The following UBN2 variants were observed in gnomAD, a reference collection of about 807,000 sequenced individuals.
The protein encoded by UBN2 is ubinuclein-2.
A neutral mutation model predicts 120.2 loss-of-function variants in UBN2; 35 were observed. The observed-to-expected ratio is 0.29, with a 90% CI of 0.22 to 0.39. The LOEUF (loss-of-function observed/expected upper bound fraction) is 0.39, where lower values mean the gene tolerates loss of function less well. Ranked by LOEUF, UBN2 falls within the 10% of genes least tolerant of loss-of-function variation. The pLI is 1.00. For missense variants in UBN2, 1,693 were observed against 1,663.2 expected, an observed-to-expected ratio of 1.02 and a Z score of -0.31; for synonymous variants, 661 against 648.7, an observed-to-expected ratio of 1.02 and a Z score of -0.29.
intron 2 of UBN2, among the ~76,000 whole-genome samples, chr7:139,238,454 G>A (rs1360943216): frequency 6.6e-6 from 1 of 151,974 alleles, no homozygotes; most frequent in Non-Finnish European, 1.5e-5. Flanking sequence ...CTAAGACAGA[G>A]TCTCTGTCAC....
chr7:139,237,206 C>G, intron 2 of UBN2, 109 bp downstream of exon 2: 1 of 605,010 alleles, frequency 1.7e-6, no homozygotes, highest in Non-Finnish European at 2.9e-6. Context: ...TTACTTTGTT[C>G]TCACCAATGG....
Position 139,231,988 on chromosome 7 carries a change from G to A in UBN2, c.468+36G>A, listed in dbSNP as rs376760845. The A allele has an allele frequency of 1.3e-5, 21 of 1,561,378 alleles. No individual in the cohort carries two copies. The African/African-American group carries it at 2.4e-4, about 18-fold the overall frequency. On this transcript the variant is annotated intron_variant, in intron 1 of 17. Coordinates refer to ENST00000473989, the MANE Select transcript of UBN2 (RefSeq NM_173569.4). ...TTCTTCCCTCCTGCCCCAGACCCCG[G>A]GAGCCTCAGGACCCGCCGCCTTCCC...
intron 1 of UBN2, among the ~76,000 whole-genome samples, chr7:139,233,860 AAG>A (rs1352906206): frequency 6.6e-6 from 1 of 152,006 alleles, no homozygotes; most frequent in Non-Finnish European, 1.5e-5. Context: ...CAATAGGAGA[AAG>A]AGGAAAAATT....
At position 139,231,584 on chromosome 7, in the gene UBN2, GAGC is replaced by G. The variant is rs1298746223; in HGVS notation, c.101_103del (p.Glu34_Pro35delinsAla). On this transcript the variant is annotated inframe_deletion, in exon 1 of 18. Coordinates refer to ENST00000473989, the MANE Select transcript of UBN2 (RefSeq NM_173569.4). ...CGAGCGTGAGCCCGAGTACCCCCGC[GAGC>G]CCCCCCGGCTGGAGCCGCAGCCGTA... The G allele has an allele frequency of 3.6e-6, 5 of 1,396,458 alleles. No individual in the cohort carries two copies. Among genetic ancestry groups the G allele is most frequent in the Non-Finnish European group, 4.7e-6 (5 of 1,066,610 alleles). The allele number at this position is 1,396,458 out of a possible 1,614,324, so 86.5% of individuals were successfully genotyped here. A position where few individuals can be genotyped will look rare whatever the true frequency, so the allele number is the denominator to read the frequency against.
intron 15 of UBN2, among the ~76,000 whole-genome samples, chr7:139,290,147 G>C (rs939527235): frequency 2.6e-5 from 4 of 151,988 alleles, no homozygotes; most frequent in African/African-American, 9.7e-5. Context: ...TGTTGGTCAG[G>C]CTGGTTTCGA....
At chr7:139,276,488 C>T (rs1014049653) in intron 12 of UBN2, 23 of 318,568 alleles carry the variant, frequency 7.2e-5, no homozygotes, top group Non-Finnish European at 1.8e-5. Flanking sequence ...CCCTCTGTGT[C>T]CTGAGTTTAC....
At chr7:139,265,883 C>T (rs922651465) in intron 6 of UBN2, among the ~76,000 whole-genome samples, 1 of 152,110 alleles carries the variant, frequency 6.6e-6, no homozygotes, top group Non-Finnish European at 1.5e-5. Flanking sequence ...GTGATATTGA[C>T]TTTGGACTTT....
chr7:139,258,008 A>G (rs1796813987), intron 3 of UBN2, among the ~76,000 whole-genome samples: 2 of 152,198 alleles, frequency 1.3e-5, no homozygotes, highest in South Asian at 4.1e-4. Context: ...TCCTGACCCC[A>G]GGTGATCCAC....
chr7:139,293,499 G>A, intron 16 of UBN2, 36 bp downstream of exon 16: 2 of 1,575,736 alleles, frequency 1.3e-6, no homozygotes, highest in African/African-American at 1.3e-5. Flanking sequence ...GGGCTGTCTA[G>A]CTTGACAGAA....
intron 6 of UBN2, among the ~76,000 whole-genome samples, chr7:139,264,281 G>T (rs1585005753): frequency 2.6e-5 from 4 of 152,004 alleles, no homozygotes; most frequent in African/African-American, 9.6e-5. Flanking sequence ...CTGATTTTTT[G>T]TTGTTGTTGA....
At position 139,305,419 on chromosome 7, in the gene UBN2, C is replaced by T. The variant is rs143657598; in HGVS notation, c.*7583C>T. On this transcript the variant is annotated 3_prime_UTR_variant, in exon 18 of 18. Coordinates refer to ENST00000473989, the MANE Select transcript of UBN2 (RefSeq NM_173569.4). ...GCCTGCTTTAGAAGACTTTACATCC[C>T]AGCAGAGGATTCAGGCAGGGACTCT... The T allele has an allele frequency of 2.0e-3, 301 of 152,320 alleles. 1 individual carries two copies. The highest frequency in any genetic ancestry group is 0.01 in the Middle Eastern group (3 of 294). The allele number at this position is 152,320 out of a possible 1,614,324, so 9.4% of individuals were successfully genotyped here. A position where few individuals can be genotyped will look rare whatever the true frequency, so the allele number is the denominator to read the frequency against.
chr7:139,233,381 T>G (rs961933073), intron 1 of UBN2, among the ~76,000 whole-genome samples: 1 of 152,174 alleles, frequency 6.6e-6, no homozygotes, highest in Non-Finnish European at 1.5e-5. Context: ...GCTGCTAATC[T>G]AAGTTGGTTT....
chr7:139,253,809 A>G (rs1328093548), intron 3 of UBN2, among the ~76,000 whole-genome samples: 1 of 152,272 alleles, frequency 6.6e-6, no homozygotes, highest in Non-Finnish European at 1.5e-5. Context: ...TGCAATGTGC[A>G]GTAATTAAGC....
chr7:139,268,579 T>G (rs1797165781), intron 7 of UBN2, among the ~76,000 whole-genome samples: 1 of 152,214 alleles, frequency 6.6e-6, no homozygotes, highest in Non-Finnish European at 1.5e-5. Flanking sequence ...TGCTGATGAT[T>G]TCCTTGCCTA....
intron 17 of UBN2, among the ~76,000 whole-genome samples, chr7:139,296,071 G>T (rs1798101586): frequency 6.6e-6 from 1 of 152,166 alleles, no homozygotes; most frequent in Non-Finnish European, 1.5e-5. Context: ...TTGTAAACTG[G>T]AGACAACAAA....
chr7:139,314,355 T>C, the UBN2 span, among the ~76,000 whole-genome samples: 1 of 151,514 alleles, frequency 6.6e-6, no homozygotes, highest in African/African-American at 2.4e-5. Context: ...CTGGGGAGTC[T>C]GAGGCAGGAG....
chr7:139,233,451 A>C (rs985611015), intron 1 of UBN2, among the ~76,000 whole-genome samples: 1 of 152,220 alleles, frequency 6.6e-6, no homozygotes, highest in Admixed American at 6.5e-5. Context: ...ATAAAAATAC[A>C]TAGCAATAAC....
At position 139,251,963 on chromosome 7, in the gene UBN2, A is replaced by G; in HGVS notation, c.569A>G (p.Lys190Arg). The G allele has an allele frequency of 6.2e-7, 1 of 1,614,046 alleles. No individual in the cohort carries two copies. The highest frequency in any genetic ancestry group is 8.5e-7 in the Non-Finnish European group (1 of 1,179,914). ...TGTATCTGTTCTTTGCAGGGTGGGAAACCCCGTAAACACCGGAAGGATCGG... is the reference window on the plus strand; with the variant it reads ...TGTATCTGTTCTTTGCAGGGTGGGAGACCCCGTAAACACCGGAAGGATCGG... ...AKKFEMKYGG[K>R]PRKHRKDRLQ... The change falls in exon 3 of 18, where the codon AAA becomes AGA. Residue 190 changes from lysine (K) to arginine (R), a missense_variant. Physicochemically the swap from Lys to Arg is conservative, Grantham distance 26. Transcript: ENST00000473989.
chr7:139,261,733 C>G lies in UBN2; in HGVS notation c.1387C>G (p.Leu463Val), dbSNP rs752795362. 26 of 1,609,780 alleles carry G rather than the reference C, an allele frequency of 1.6e-5. No individual in the cohort carries two copies. The highest frequency in any genetic ancestry group is 2.1e-5 in the Non-Finnish European group (25 of 1,176,648). ...ACTTCTTGAAAAACGTATCGAAGAC[C>G]TTCGTGTAGTAAGTGTAATAATTCT... ...PVLLEKRIED[L>V]RVAAKLFDEE... Residue 463 changes from leucine (L) to valine (V), a missense_variant, in exon 6 of 18, where the codon CTT (leucine) becomes GTT (valine). Transcript: ENST00000473989.
Sources: gnomAD v4.1 joint callset for allele counts (sites outside exome capture counted in the v4.1 genomes callset) on GRCh38, gnomAD v4.1.1 for gene constraint, MANE v1.5 for transcripts, NCBI Gene and HGNC (gene_info 2026-07-23, HGNC 2026-07-21) for gene names.